Variants in PTPRM observed in about 807,000 individuals in gnomAD.
The protein encoded by PTPRM is receptor-type tyrosine-protein phosphatase mu.
Under a neutral mutation model 186.7 loss-of-function variants are expected in PTPRM, and 47 were observed. The ratio of observed to expected loss-of-function variants is 0.25; its 90% CI spans 0.20 to 0.32. PTPRM has a LOEUF of 0.32. PTPRM is among the 10% of genes least tolerant of loss of function. PTPRM has a pLI of 1.00. For synonymous variants in PTPRM, 668 were observed against 674.9 expected (o/e 0.99, Z 0.16); for missense variants, 1,494 against 1,865.0 (o/e 0.80, Z 3.66).
chr18:8,138,921 G>A (rs960617638), intron 13 of PTPRM, among the ~76,000 whole-genome samples: 3 of 151,772 alleles, frequency 2.0e-5, no homozygotes, highest in Admixed American at 6.6e-5. Context: ...GTCTGTATTC[G>A]CCTGGACATC....
At chr18:8,302,785 G>C (rs1269118905) in intron 20 of PTPRM, among the ~76,000 whole-genome samples, 1 of 151,962 alleles carries the variant, frequency 6.6e-6, no homozygotes, top group Non-Finnish European at 1.5e-5. Context: ...GTAGACACAT[G>C]GAAGGATGGA....
intron 3 of PTPRM, among the ~76,000 whole-genome samples, chr18:7,894,232 C>G (rs1486773275): frequency 1.3e-5 from 2 of 152,156 alleles, no homozygotes; most frequent in African/African-American, 4.8e-5. Flanking sequence ...GAGTTCTGTA[C>G]TGGCCTGAAA....
chr18:8,140,408 C>T (rs1276270566), intron 13 of PTPRM, among the ~76,000 whole-genome samples: 1 of 149,188 alleles, frequency 6.7e-6, no homozygotes, highest in African/African-American at 2.5e-5. Flanking sequence ...CAGCTAAATA[C>T]TGCATTGGTT....
rs2037043302 is a variant in PTPRM at position 7,588,621 on chromosome 18, T to C, written c.73+20730T>C. Among the ~76,000 whole-genome samples, 3 of 152,204 alleles carry C rather than the reference T, an allele frequency of 2.0e-5. No individual in the cohort carries two copies. The South Asian group carries it at 6.2e-4, about 31-fold the overall frequency. Reference sequence around the variant, plus strand: ...TGAAGATTCTTTTCTTGACAGCTAATGTGATGTTTGAGTGTGATCATAAAT... The same window carrying C: ...TGAAGATTCTTTTCTTGACAGCTAACGTGATGTTTGAGTGTGATCATAAAT... On this transcript the variant is annotated intron_variant, in intron 1 of 32. Transcript: ENST00000580170.
intron 14 of PTPRM, among the ~76,000 whole-genome samples, chr18:8,229,481 TA>T (rs1373583932): frequency 1.3e-5 from 2 of 152,224 alleles, no homozygotes; most frequent in African/African-American, 4.8e-5. Context: ...CTTAATTTTT[TA>T]GTTCTGAAAA....
At chr18:8,033,119 A>G (rs2086096382) in intron 7 of PTPRM, among the ~76,000 whole-genome samples, 1 of 152,178 alleles carries the variant, frequency 6.6e-6, no homozygotes, top group Non-Finnish European at 1.5e-5. Flanking sequence ...CAACTTAGAG[A>G]AAAAATTTAA....
chr18:7,740,143 C>T (rs954188389), intron 1 of PTPRM, among the ~76,000 whole-genome samples: 6 of 152,172 alleles, frequency 3.9e-5, no homozygotes, highest in African/African-American at 1.4e-4. Context: ...CTGGGCTGCT[C>T]CCATGGCTTG....
intron 11 of PTPRM, among the ~76,000 whole-genome samples, chr18:8,111,792 T>TA (rs1176625394): frequency 6.6e-6 from 1 of 152,162 alleles, no homozygotes; most frequent in African/African-American, 2.4e-5. Context: ...AAAACTCAAA[T>TA]AAATTAATTG....
chr18:8,373,245 A>T (rs1432792073), intron 24 of PTPRM, among the ~76,000 whole-genome samples: 1 of 152,226 alleles, frequency 6.6e-6, no homozygotes, highest in Non-Finnish European at 1.5e-5. Context: ...GTACTTTGAG[A>T]TGCCTGCAAT....
chr18:7,579,745 G>C (rs1239518413), intron 1 of PTPRM, among the ~76,000 whole-genome samples: 2 of 152,190 alleles, frequency 1.3e-5, no homozygotes, highest in Non-Finnish European at 2.9e-5. Context: ...ATTCAGGGAA[G>C]ATCATGAGAC....
At chr18:8,310,838 T>C (rs2095262588) in intron 20 of PTPRM, among the ~76,000 whole-genome samples, 4 of 152,196 alleles carry the variant, frequency 2.6e-5, no homozygotes, top group Admixed American at 2.6e-4. Context: ...ATATAGCAGA[T>C]ACTCAAAAAG....
chr18:7,742,863 C>A (rs1669707690), intron 1 of PTPRM, among the ~76,000 whole-genome samples: 1 of 152,130 alleles, frequency 6.6e-6, no homozygotes, highest in African/African-American at 2.4e-5. Flanking sequence ...AATTGTCAAT[C>A]ATTTCTCTTG....
At chr18:8,002,908 G>A (rs1307731822) in intron 7 of PTPRM, among the ~76,000 whole-genome samples, 1 of 152,128 alleles carries the variant, frequency 6.6e-6, no homozygotes, top group Non-Finnish European at 1.5e-5. Context: ...GGTTTTAGGA[G>A]TTCTTATTTT....
intron 7 of PTPRM, among the ~76,000 whole-genome samples, chr18:7,988,655 C>T (rs183222738): frequency 3.3e-5 from 5 of 152,264 alleles, no homozygotes; most frequent in African/African-American, 1.2e-4. Flanking sequence ...AAAGTGGAAT[C>T]ATACCATGGT....
intron 7 of PTPRM, among the ~76,000 whole-genome samples, chr18:7,964,953 G>A (rs2053925890): frequency 6.6e-6 from 1 of 151,832 alleles, no homozygotes; most frequent in African/African-American, 2.4e-5. Flanking sequence ...TGTGGTTGTG[G>A]ATGTGTTGCA....
At chr18:7,917,485 C>T (rs1016796447) in intron 4 of PTPRM, among the ~76,000 whole-genome samples, 1 of 152,068 alleles carries the variant, frequency 6.6e-6, no homozygotes, top group Non-Finnish European at 1.5e-5. Context: ...GCAGTGAGCC[C>T]AGCTCGCGCC....
At chr18:7,900,487 T>C (rs1238699358) in intron 3 of PTPRM, among the ~76,000 whole-genome samples, 4 of 152,218 alleles carry the variant, frequency 2.6e-5, no homozygotes, top group Non-Finnish European at 5.9e-5. Context: ...CCAATTGCTA[T>C]ATTTCTTATA....
chr18:8,068,850 A>G (rs1169685410), intron 7 of PTPRM, among the ~76,000 whole-genome samples: 3 of 152,206 alleles, frequency 2.0e-5, no homozygotes, highest in South Asian at 2.1e-4. Flanking sequence ...CTGTAGTCCC[A>G]GCACTTTGGG....
intron 2 of PTPRM, among the ~76,000 whole-genome samples, chr18:7,830,736 G>C (rs1668593691): frequency 6.6e-6 from 1 of 152,200 alleles, no homozygotes; most frequent in Admixed American, 6.5e-5. Flanking sequence ...CCTGTCTAAA[G>C]AGACAGCAGC....
Sources: gnomAD v4.1 joint callset for allele counts (sites outside exome capture counted in the v4.1 genomes callset) on GRCh38, gnomAD v4.1.1 for gene constraint, MANE v1.5 for transcripts, NCBI Gene and HGNC (gene_info 2026-07-23, HGNC 2026-07-21) for gene names.